The following HIVEP3 variants were observed in gnomAD, a reference collection of about 807,000 sequenced individuals.
HIVEP3 encodes transcription factor HIVEP3.
A neutral mutation model predicts 152.8 loss-of-function variants in HIVEP3; 49 were observed. The observed-to-expected ratio is 0.32, with a 90% CI of 0.26 to 0.41. The LOEUF (loss-of-function observed/expected upper bound fraction) is 0.41. Among genes scored for constraint, HIVEP3 ranks in the 10% least tolerant of loss-of-function variants. The probability of loss-of-function intolerance (pLI) is 1.00; values close to 1 mark genes in which losing one functional copy is unlikely to be tolerated. For synonymous variants in HIVEP3, 1,269 were observed against 1,289.0 expected (o/e 0.98, Z 0.33); for missense variants, 2,790 against 3,103.3 (o/e 0.90, Z 2.40).
intron 5 of HIVEP3, among the ~76,000 whole-genome samples, chr1:41,545,141 CACCACCAACACCACCTCT>C (rs1441808192): frequency 1.5e-5 from 2 of 135,010 alleles, no homozygotes; most frequent in Non-Finnish European, 3.2e-5. Context: ...CTACCACCAT[CACCACCAACACCACCTCT>C]ACCACCATCG....
chr1:42,008,812 G>C (rs964569754), intron 1 of HIVEP3, among the ~76,000 whole-genome samples: 2 of 152,126 alleles, frequency 1.3e-5, no homozygotes, highest in Non-Finnish European at 2.9e-5. Flanking sequence ...CTTTGTACAG[G>C]TATTCTCCTT....
intron 1 of HIVEP3, among the ~76,000 whole-genome samples, chr1:41,879,995 G>A (rs811958): frequency 0.79 from 119,410 of 152,084 alleles, 47,237 homozygotes; most frequent in East Asian, 1. Context: ...TATTATTAGT[G>A]TGCCCATTTT....
chr1:41,755,754 A>G (rs545946598), intron 1 of HIVEP3, among the ~76,000 whole-genome samples: 1 of 152,364 alleles, frequency 6.6e-6, no homozygotes, highest in South Asian at 2.1e-4. Context: ...AGGGAAATAC[A>G]AATTAAAACT....
In HIVEP3 at chr1:41,584,781, C is replaced by G; in HGVS notation, c.17G>C (p.Ser6Thr). Reference sequence around the variant, plus strand: ...CTCAGCCTTCTTGGTGCCCTTGACACTTTGTTCAGGATCCATGACCTTCAC... The same window carrying G: ...CTCAGCCTTCTTGGTGCCCTTGACAGTTTGTTCAGGATCCATGACCTTCAC... MDPEQ[S>T]VKGTKKAEGS... The change falls in exon 4 of 9, where the codon AGT (serine) becomes ACT (threonine). Residue 6 changes from serine to threonine, a missense_variant. Ser to Thr is a moderately conservative substitution (Grantham distance 58). Coordinates refer to ENST00000372583, the MANE Select transcript of HIVEP3 (RefSeq NM_024503.5). This position sits in a 1 kb window ranked among gnomAD's most constrained non-coding sequence, Gnocchi z 5.2. 1 of 1,515,860 alleles carries G rather than the reference C, an allele frequency of 6.6e-7. No individual in the cohort carries two copies. The highest frequency in any genetic ancestry group is 8.8e-7 in the Non-Finnish European group (1 of 1,133,476). The allele number at this position is 1,515,860 out of a possible 1,614,324, so 93.9% of individuals were successfully genotyped here.
chr1:41,626,500 G>T (rs76231972), intron 3 of HIVEP3, among the ~76,000 whole-genome samples: 4 of 152,252 alleles, frequency 2.6e-5, no homozygotes, highest in Non-Finnish European at 4.4e-5. Flanking sequence ...GGCACGAAGC[G>T]GGGGGAGGGG....
intron 5 of HIVEP3, among the ~76,000 whole-genome samples, chr1:41,553,325 G>C (rs1382105631): frequency 6.6e-6 from 1 of 152,106 alleles, no homozygotes; most frequent in African/African-American, 2.4e-5. Context: ...TGCAACCCCT[G>C]CTTTTTTTTC....
At chr1:41,634,986 C>T (rs1645248080) in intron 2 of HIVEP3, among the ~76,000 whole-genome samples, 1 of 152,148 alleles carries the variant, frequency 6.6e-6, no homozygotes. Context: ...GTAAGTTTAA[C>T]TTCATATACA....
intron 7 of HIVEP3, among the ~76,000 whole-genome samples, chr1:41,515,510 A>G (rs1012573141): frequency 6.6e-6 from 1 of 151,318 alleles, no homozygotes; most frequent in Admixed American, 6.5e-5. Context: ...GGACTTTGGG[A>G]GGGGCCTAAT....
chr1:41,555,619 G>A (rs1643954738), intron 5 of HIVEP3, among the ~76,000 whole-genome samples: 1 of 152,162 alleles, frequency 6.6e-6, no homozygotes, highest in Admixed American at 6.5e-5. Flanking sequence ...TTCCTATTTG[G>A]CCATCTTGGA....
At chr1:41,643,047 C>G (rs1024998531) in intron 2 of HIVEP3, among the ~76,000 whole-genome samples, 5 of 152,208 alleles carry the variant, frequency 3.3e-5, no homozygotes, top group African/African-American at 1.2e-4. Context: ...ATGAGCCCCT[C>G]TCCACCCTAC....
At chr1:41,628,620 C>A in intron 3 of HIVEP3, 129 bp downstream of exon 3, 3 of 758,186 alleles carry the variant, frequency 4.0e-6, no homozygotes, top group African/African-American at 1.8e-5. Flanking sequence ...CACAGAGGCA[C>A]CAGAAAGGCA....
At chr1:41,898,273 A>G (rs1430250896) in intron 1 of HIVEP3, among the ~76,000 whole-genome samples, 1 of 152,198 alleles carries the variant, frequency 6.6e-6, no homozygotes, top group East Asian at 1.9e-4. Flanking sequence ...GCCACCATCA[A>G]TCAACACAAA....
intron 1 of HIVEP3, among the ~76,000 whole-genome samples, chr1:41,968,736 G>T (rs1012799518): frequency 6.6e-6 from 1 of 152,130 alleles, no homozygotes; most frequent in Non-Finnish European, 1.5e-5. Flanking sequence ...AAGAAATAAA[G>T]GTTATTCAAA....
At chr1:41,537,754 T>G (rs668359) in intron 5 of HIVEP3, among the ~76,000 whole-genome samples, 59,426 of 152,106 alleles carry the variant, frequency 0.39, 12,951 homozygotes, top group Admixed American at 0.56. Flanking sequence ...ATTCTCCTTT[T>G]GTTGGGGTTC....
At chr1:41,593,826 C>T (rs766110803) in intron 3 of HIVEP3, among the ~76,000 whole-genome samples, 4 of 152,188 alleles carry the variant, frequency 2.6e-5, no homozygotes, top group Non-Finnish European at 4.4e-5. Context: ...AGGTCTCACT[C>T]GGCTAAAAGC....
At chr1:41,579,624 A>T in intron 4 of HIVEP3, 113 bp downstream of exon 4, 1 of 1,240,254 alleles carries the variant, frequency 8.1e-7, no homozygotes, top group Non-Finnish European at 1.1e-6. Flanking sequence ...AGGAAATCTG[A>T]CTACTAGTCT....
chr1:41,777,522 C>T lies in HIVEP3; in HGVS notation c.-800-76527G>A, dbSNP rs531701514. ...CCAGTGAAGCCAAGTCCCTGGTCCA[C>T]GGTATTTAACTATTATATAGCCTAA... is the stretch of plus-strand genomic sequence containing the variant. On this transcript the variant is annotated intron_variant, in intron 1 of 8. Coordinates refer to ENST00000372583, the MANE Select transcript of HIVEP3 (RefSeq NM_024503.5). Among the ~76,000 whole-genome samples the T allele has an allele frequency of 2.0e-4, 31 of 152,346 alleles. 1 individual carries two copies. Among genetic ancestry groups the T allele is most frequent in the Admixed American group, 1.0e-3 (16 of 15,310 alleles).
chr1:41,562,071 C>T (rs1644073573), intron 5 of HIVEP3, among the ~76,000 whole-genome samples: 2 of 152,180 alleles, frequency 1.3e-5, no homozygotes, highest in Non-Finnish European at 2.9e-5. Flanking sequence ...CACTTGTATA[C>T]TTTCTGTATG....
chr1:41,629,469 T>G (rs1304198459), intron 2 of HIVEP3, among the ~76,000 whole-genome samples: 1 of 152,032 alleles, frequency 6.6e-6, no homozygotes, highest in Non-Finnish European at 1.5e-5. Flanking sequence ...AAAGAAACTA[T>G]CAATAGAGTA....
Sources: allele counts gnomAD v4.1 joint callset (sites outside exome capture counted in the v4.1 genomes callset), GRCh38; gene constraint gnomAD v4.1.1; non-coding constraint Gnocchi (gnomAD v3.1); transcripts MANE v1.5; gene names NCBI Gene and HGNC (gene_info 2026-07-23, HGNC 2026-07-21).